The following VPS13A variants were observed in gnomAD, a reference collection of about 807,000 sequenced individuals.
VPS13A encodes the protein vacuolar protein sorting 13 homolog A.
In VPS13A, 264 loss-of-function variants were observed where a neutral mutation model predicts 390.9. The observed-to-expected ratio is 0.68, with a 90% CI of 0.61 to 0.75. VPS13A has a LOEUF of 0.75. VPS13A is among the 30% of genes least tolerant of loss of function. The pLI, the probability that VPS13A is intolerant of heterozygous loss-of-function variation, is 0.00. For missense variants in VPS13A, 3,409 were observed against 3,733.9 expected (o/e 0.91, Z 2.27); for synonymous variants, 1,231 against 1,227.1 (o/e 1.00, Z -0.07).
Position 77,420,655 on chromosome 9 carries a change from C to A in VPS13A, c.*4649C>A, listed in dbSNP as rs1348672670. On this transcript the variant is annotated 3_prime_UTR_variant, in exon 72 of 72. Coordinates refer to ENST00000360280, the MANE Select transcript of VPS13A (RefSeq NM_033305.3). ...ATATCACACTGCTATGATAGAAAAT[C>A]CCTGTCTGTCATTGAACTATTCATT... The A allele has an allele frequency of 6.6e-6, 1 of 152,036 alleles. No homozygotes were observed. The allele number at this position is 152,036 out of a possible 1,614,324, so 9.4% of individuals were successfully genotyped here.
chr9:77,210,589 A>G lies in VPS13A; in HGVS notation c.496-27A>G, dbSNP rs377104687. 10 of 1,610,132 alleles carry G rather than the reference A, an allele frequency of 6.2e-6. No homozygotes were observed. The African/African-American group carries it at 1.3e-4, about 22-fold the overall frequency. On this transcript the variant is annotated intron_variant, in intron 6 of 71. Coordinates refer to ENST00000360280, the MANE Select transcript of VPS13A (RefSeq NM_033305.3). ...TTTTATCCAACTACTAAAAATCTGA[A>G]TAAATTTTACTTTCTTTCCTCTTTA...
intron 1 of VPS13A, among the ~76,000 whole-genome samples, chr9:77,195,316 G>A (rs763927247): frequency 3.7e-4 from 57 of 152,234 alleles, no homozygotes; most frequent in Admixed American, 5.9e-4. Context: ...AGTAGAGACC[G>A]AGTTTCACCA....
At chr9:77,270,408 G>A (rs1826278521) in intron 23 of VPS13A, among the ~76,000 whole-genome samples, 2 of 152,162 alleles carry the variant, frequency 1.3e-5, no homozygotes, top group South Asian at 2.1e-4. Context: ...ATATTTAGCT[G>A]TGGAGATTTC....
At position 77,283,343 on chromosome 9, in the gene VPS13A, T is replaced by G. The variant is rs1326851827; in HGVS notation, c.3119-12T>G. The G allele has an allele frequency of 6.8e-7, 1 of 1,478,810 alleles. No homozygotes were observed. Among genetic ancestry groups the G allele is most frequent in the Non-Finnish European group, 9.4e-7 (1 of 1,062,254 alleles). 91.6% of individuals were successfully genotyped at this position (1,478,810 alleles called of 1,614,324 possible). On this transcript the variant is annotated splice_polypyrimidine_tract_variant and intron_variant, in intron 29 of 71. Coordinates refer to ENST00000360280, the MANE Select transcript of VPS13A (RefSeq NM_033305.3). ...TTTCCTCATGTTTTATAATATGAAT[T>G]TTTTTTTGCAGCTTTAAAACTATCC... is the stretch of plus-strand genomic sequence containing the variant.
intron 69 of VPS13A, 24 bp from the exon 70 acceptor site, chr9:77,405,840 C>CT (rs748402380): frequency 1.2e-6 from 2 of 1,611,614 alleles, no homozygotes; most frequent in Non-Finnish European, 1.7e-6. Flanking sequence ...AAAGCGAATT[C>CT]TTTTTTTGTT....
chr9:77,399,979 A>G (rs1834300422), intron 68 of VPS13A, among the ~76,000 whole-genome samples: 1 of 152,154 alleles, frequency 6.6e-6, no homozygotes, highest in Non-Finnish European at 1.5e-5. Flanking sequence ...GTTTTTTATG[A>G]CTTCATAATG....
chr9:77,184,104 A>G (rs1216773799), intron 1 of VPS13A, among the ~76,000 whole-genome samples: 2 of 152,180 alleles, frequency 1.3e-5, no homozygotes, highest in Non-Finnish European at 2.9e-5. Context: ...AAATATACAA[A>G]TCTTAAGTGT....
chr9:77,365,973 A>G (rs1832405237), intron 60 of VPS13A, among the ~76,000 whole-genome samples: 1 of 152,156 alleles, frequency 6.6e-6, no homozygotes, highest in South Asian at 2.1e-4. Flanking sequence ...ATACAATAAT[A>G]GAAGAAAATT....
chr9:77,236,870 C>T lies in VPS13A; in HGVS notation c.1596-1132C>T, dbSNP rs190028796. 3.3e-4 allele frequency among the ~76,000 whole-genome samples: 50 copies of T among 152,236 alleles called. No homozygotes were observed. The South Asian group carries it at 0.01, about 31-fold the overall frequency. On this transcript the variant is annotated intron_variant, in intron 17 of 71. Coordinates refer to ENST00000360280, the MANE Select transcript of VPS13A (RefSeq NM_033305.3). ...ATGATCATAGCTCAGATGCCACAGG[C>T]TCTCCCTGTTCTTATCAAGTTTTAG...
rs1315380501 is a variant in VPS13A, at chr9:77,370,976, TC to T, written c.8953+42del. Reference sequence around the variant, plus strand: ...CCTTTGCAAGTCTTTCTAAGTTGATTCTGTTTTCATTCTTGGATGCAATTGT... The same window carrying T: ...CCTTTGCAAGTCTTTCTAAGTTGATTTGTTTTCATTCTTGGATGCAATTGT... On this transcript the variant is annotated intron_variant, in intron 66 of 71. Coordinates refer to ENST00000360280, the MANE Select transcript of VPS13A (RefSeq NM_033305.3). 1.9e-6 allele frequency: 3 copies of T among 1,614,204 alleles called. No homozygotes were observed. In the South Asian group the frequency reaches 3.3e-5, roughly 18 times the overall value.
intron 22 of VPS13A, among the ~76,000 whole-genome samples, chr9:77,256,637 G>A (rs1207079922): frequency 6.6e-6 from 1 of 151,960 alleles, no homozygotes; most frequent in Non-Finnish European, 1.5e-5. Context: ...TCTTAATTGT[G>A]TCAGTGCTTG....
intron 1 of VPS13A, among the ~76,000 whole-genome samples, chr9:77,180,775 G>A (rs1159184606): frequency 6.6e-6 from 1 of 152,128 alleles, no homozygotes; most frequent in East Asian, 1.9e-4. Flanking sequence ...GTCTCAATCT[G>A]TGTGTCTATC....
At position 77,420,335 on chromosome 9, in the gene VPS13A, A is replaced by G. The variant is rs925086764; in HGVS notation, c.*4329A>G. ...TTGAGAAGATGCAGAATCCTACTCT[A>G]TTACAAACCTCACTCATGTTTCTTT... On this transcript the variant is annotated 3_prime_UTR_variant, in exon 72 of 72. Coordinates refer to ENST00000360280, the MANE Select transcript of VPS13A (RefSeq NM_033305.3). The G allele has an allele frequency of 2.0e-5, 3 of 152,220 alleles. No individual in the cohort carries two copies. Among genetic ancestry groups the G allele is most frequent in the Non-Finnish European group, 4.4e-5 (3 of 68,034 alleles). 9.4% of individuals were successfully genotyped at this position (152,220 alleles called of 1,614,324 possible).
chr9:77,344,411 A>G (rs745641803), intron 51 of VPS13A, 130 bp downstream of exon 51: 3 of 1,067,710 alleles, frequency 2.8e-6, no homozygotes, highest in Non-Finnish European at 4.1e-6. Flanking sequence ...ACGAACAAAC[A>G]TTTCTTTTTG....
At chr9:77,291,222 GGTTGCATGCTCCTT>G (rs112918253) in intron 31 of VPS13A, among the ~76,000 whole-genome samples, 15,512 of 152,050 alleles carry the variant, frequency 0.1, 820 homozygotes, top group Middle Eastern at 0.13. Context: ...GCAGGATCTA[GGTTGCATGCTCCTT>G]GTGAGAATCT....
rs559668362 is a variant in VPS13A, at chr9:77,359,631, A to C, written c.8105+229A>C. Among the ~76,000 whole-genome samples, 11 of 152,212 alleles carry C rather than the reference A, an allele frequency of 7.2e-5. No homozygotes were observed. In the East Asian group the frequency reaches 2.1e-3, roughly 29 times the overall value. ...TCGGGAGTTCGAGACCAACCTGGCCAACACGGTGAAACCCCAACTCTACTA... is the reference window on the plus strand; with the variant it reads ...TCGGGAGTTCGAGACCAACCTGGCCCACACGGTGAAACCCCAACTCTACTA... On this transcript the variant is annotated intron_variant, in intron 58 of 71. Coordinates refer to ENST00000360280, the MANE Select transcript of VPS13A (RefSeq NM_033305.3).
At chr9:77,257,258 AGG>A (rs1825500862) in intron 22 of VPS13A, among the ~76,000 whole-genome samples, 1 of 152,066 alleles carries the variant, frequency 6.6e-6, no homozygotes, top group South Asian at 2.1e-4. Context: ...TTTTTTAGAC[AGG>A]GTCTTGTTCT....
chr9:77,411,448 G>A (rs1834915494), intron 71 of VPS13A, among the ~76,000 whole-genome samples: 1 of 151,832 alleles, frequency 6.6e-6, no homozygotes, highest in Non-Finnish European at 1.5e-5. Context: ...CGGATCACGA[G>A]GTCAGGAGAT....
At chr9:77,357,569 G>A in intron 55 of VPS13A, 123 bp from the exon 56 acceptor site, 1 of 971,352 alleles carries the variant, frequency 1.0e-6, no homozygotes, top group Non-Finnish European at 1.5e-6. Context: ...GGGATATTAA[G>A]ATCTAAATCT....
Sources: gnomAD v4.1 joint callset for allele counts (sites outside exome capture counted in the v4.1 genomes callset) on GRCh38, gnomAD v4.1.1 for gene constraint, MANE v1.5 for transcripts, NCBI Gene and HGNC (gene_info 2026-07-23, HGNC 2026-07-21) for gene names.